Variants in CHAF1A observed in about 807,000 individuals in gnomAD.
CHAF1A encodes the protein chromatin assembly factor 1 subunit A.
In CHAF1A, 5 loss-of-function variants were observed where a neutral mutation model predicts 93.2. That is an observed-to-expected ratio of 0.05 (90% CI 0.03 to 0.11). CHAF1A has a LOEUF of 0.11. CHAF1A is among the 10% of genes least tolerant of loss of function. The probability of loss-of-function intolerance (pLI) is 1.00; values close to 1 mark genes in which losing one functional copy is unlikely to be tolerated. For missense variants in CHAF1A, 1,102 were observed against 1,259.9 expected (o/e 0.87, Z 1.90); for synonymous variants, 504 against 510.3 (o/e 0.99, Z 0.17).
At chr19:4,444,642 A>G (rs1191133596), downstream of CHAF1A, 1 of 148,234 alleles carries the variant, frequency 6.7e-6, no homozygotes, top group Non-Finnish European at 1.5e-5. Flanking sequence ...TCCCAGCTCA[A>G]GACCTTTCAT....
intron 3 of CHAF1A, 55 bp downstream of exon 3, chr19:4,409,814 T>C (rs1438669471): frequency 3.2e-6 from 5 of 1,540,986 alleles, no homozygotes; most frequent in Non-Finnish European, 3.5e-6. Context: ...CTCAGAGCGC[T>C]GTCAGTCTCC....
chr19:4,432,768 A>AAG (rs962959112), intron 12 of CHAF1A, among the ~76,000 whole-genome samples: 12 of 151,460 alleles, frequency 7.9e-5, no homozygotes, highest in Non-Finnish European at 1.0e-4. Context: ...TAAAAAAAAA[A>AAG]AAAAACTCAA....
chr19:4,435,121 C>T (rs1192460304), intron 13 of CHAF1A, among the ~76,000 whole-genome samples: 3 of 117,368 alleles, frequency 2.6e-5, no homozygotes, highest in Admixed American at 1.1e-4. Flanking sequence ...GAGACAGTCT[C>T]GCGCTGTTGC....
chr19:4,435,988 A>C (rs548625085), intron 13 of CHAF1A, among the ~76,000 whole-genome samples: 10 of 152,142 alleles, frequency 6.6e-5, no homozygotes, highest in Admixed American at 3.9e-4. Context: ...AAAATACAAA[A>C]ATTAGCTGGG....
At chr19:4,446,302 G>T, downstream of CHAF1A, 1 of 1,572,180 alleles carries the variant, frequency 6.4e-7, no homozygotes, top group Non-Finnish European at 8.6e-7. Context: ...GGCAGCCATC[G>T]GGGAGGCGCA....
chr19:4,433,054 T>C lies in CHAF1A; in HGVS notation c.2204-16T>C, dbSNP rs1568180579. On this transcript the variant is annotated splice_polypyrimidine_tract_variant and intron_variant, in intron 12 of 14. Coordinates refer to ENST00000301280, the MANE Select transcript of CHAF1A (RefSeq NM_005483.3). This position sits in a 1 kb window ranked among gnomAD's most constrained non-coding sequence, Gnocchi z 5.6. ...GCTCCCCAAGCCTCATGCCCACCCA[T>C]GTTCCCTCCTGCCAGTCCTGGCCCA... The C allele has an allele frequency of 6.5e-7, 1 of 1,530,712 alleles. No homozygotes were observed. Among genetic ancestry groups the C allele is most frequent in the Non-Finnish European group, 8.8e-7 (1 of 1,131,538 alleles). The allele number at this position is 1,530,712 out of a possible 1,614,324, so 94.8% of individuals were successfully genotyped here. A position where few individuals can be genotyped will look rare whatever the true frequency, so the allele number is the denominator to read the frequency against.
At position 4,432,075 on chromosome 19, in the gene CHAF1A, G is replaced by A; in HGVS notation, c.2071G>A (p.Ala691Thr). ...LQPVKIGCVW[A>T]ADRDCAGDDL... ...ACCTGTGAAGATCGGCTGCGTGTGG[G>A]CGGCTGACAGAGACTGCGCAGGCGA... The change falls in exon 12 of 15, where the codon GCG (alanine) becomes ACG (threonine). Residue 691 changes from alanine to threonine, a missense_variant. Physicochemically the swap from Ala to Thr is moderately conservative, Grantham distance 58 (BLOSUM62 0). Coordinates refer to ENST00000301280, the MANE Select transcript of CHAF1A (RefSeq NM_005483.3). 6.2e-7 allele frequency: 1 copy of A among 1,614,102 alleles called. No individual in the cohort carries two copies. Among genetic ancestry groups the A allele is most frequent in the South Asian group, 1.1e-5 (1 of 91,082 alleles).
chr19:4,412,253 G>A (rs1973818848), intron 3 of CHAF1A, among the ~76,000 whole-genome samples: 1 of 152,026 alleles, frequency 6.6e-6, no homozygotes, highest in Non-Finnish European at 1.5e-5. Flanking sequence ...AGCAAGAACG[G>A]GACACATGGC....
At chr19:4,408,767 C>G in intron 2 of CHAF1A, 136 bp from the exon 3 acceptor site, 1 of 1,135,462 alleles carries the variant, frequency 8.8e-7, no homozygotes, top group Non-Finnish European at 1.2e-6. Context: ...AGCCACCACA[C>G]CCGGCCCAGA....
rs558436312 is a variant in CHAF1A, at chr19:4,443,384, T to C, written c.*359T>C. On this transcript the variant is annotated 3_prime_UTR_variant, in exon 15 of 15. Coordinates refer to ENST00000301280, the MANE Select transcript of CHAF1A (RefSeq NM_005483.3). Reference sequence around the variant, plus strand: ...CCTAACGAGGCAGTGTATAAACTTATTCTCTAGCCCTGAGCTGCTCTGTCT... The same window carrying C: ...CCTAACGAGGCAGTGTATAAACTTACTCTCTAGCCCTGAGCTGCTCTGTCT... The C allele has an allele frequency of 7.9e-5, 22 of 278,580 alleles. No individual in the cohort carries two copies. The East Asian group carries it at 2.1e-3, about 27-fold the overall frequency. 17.3% of individuals were successfully genotyped at this position (278,580 alleles called of 1,614,324 possible).
chr19:4,434,126 C>T (rs1974239795), intron 13 of CHAF1A, among the ~76,000 whole-genome samples: 1 of 151,672 alleles, frequency 6.6e-6, no homozygotes, highest in Non-Finnish European at 1.5e-5. Context: ...GCGGGAGGAT[C>T]ACTTGAGCCC....
intron 3 of CHAF1A, among the ~76,000 whole-genome samples, chr19:4,413,480 C>G (rs933803902): frequency 6.6e-6 from 1 of 152,206 alleles, no homozygotes; most frequent in Non-Finnish European, 1.5e-5. Context: ...TACCTCCCTA[C>G]CAGCAGCTCT....
In CHAF1A at chr19:4,409,348, A is replaced by G. The variant is rs183942259; in HGVS notation, c.549A>G (p.Thr183=). The change falls in exon 3 of 15, where the codon ACA becomes ACG. Residue 183 remains threonine (T), a synonymous_variant. Transcript: ENST00000301280. ...GETLSDIPCK[T]EEEGVGCGGA... Reference sequence around the variant, plus strand: ...CCCTTTCAGACATTCCTTGCAAAACAGAGGAGGAGGGTGTTGGCTGTGGAG... The same window carrying G: ...CCCTTTCAGACATTCCTTGCAAAACGGAGGAGGAGGGTGTTGGCTGTGGAG... 33 of 1,614,102 alleles carry G rather than the reference A, an allele frequency of 2.0e-5. 1 individual carries two copies. Among genetic ancestry groups the G allele is most frequent in the Non-Finnish European group, 2.5e-5 (30 of 1,180,008 alleles).
At chr19:4,416,283 A>G (rs1020127511) in intron 3 of CHAF1A, among the ~76,000 whole-genome samples, 16 of 152,238 alleles carry the variant, frequency 1.1e-4, no homozygotes, top group Admixed American at 5.9e-4. Context: ...CAAGTCTGCA[A>G]TGAACCCGGA....
chr19:4,402,696 G>C lies in CHAF1A; in HGVS notation c.-67G>C, dbSNP rs989905915. The C allele has an allele frequency of 5.4e-5, 57 of 1,049,202 alleles. 1 individual carries two copies. The highest frequency in any genetic ancestry group is 6.8e-5 in the Non-Finnish European group (57 of 832,324). 65.0% of individuals were successfully genotyped at this position (1,049,202 alleles called of 1,614,324 possible). A position where few individuals can be genotyped will look rare whatever the true frequency, so the allele number is the denominator to read the frequency against. On this transcript the variant is annotated 5_prime_UTR_variant, in exon 1 of 15. Transcript: ENST00000301280. ...AGCGGCGCGGGCGGGAGGGCGAAGA[G>C]CAGCGGCCGCCTGAGGGGAGCCCGC... is the stretch of plus-strand genomic sequence containing the variant.
intron 8 of CHAF1A, 29 bp downstream of exon 8, chr19:4,428,919 C>T (rs1248909912): frequency 6.3e-7 from 1 of 1,581,954 alleles, no homozygotes; most frequent in Non-Finnish European, 8.7e-7. Flanking sequence ...CGGCCTTCAC[C>T]CACTAGTGAT....
chr19:4,403,591 G>A (rs978225107), intron 1 of CHAF1A, among the ~76,000 whole-genome samples: 1 of 152,262 alleles, frequency 6.6e-6, no homozygotes, highest in Non-Finnish European at 1.5e-5. Flanking sequence ...GTTGATATTT[G>A]TTGCCGTCCT....
chr19:4,408,461 C>CTTTTTTTTTTTTTTTTT lies in CHAF1A; in HGVS notation c.104-428_104-412dup. On this transcript the variant is annotated intron_variant, in intron 2 of 14. Coordinates refer to ENST00000301280, the MANE Select transcript of CHAF1A (RefSeq NM_005483.3). Reference sequence around the variant, plus strand: ...CCTGCCTTGGCCTCCCGCACCCGGCCTTTTTTTTTTTTTTTTTTTTTTTTT... The same window carrying CTTTTTTTTTTTTTTTTT: ...CCTGCCTTGGCCTCCCGCACCCGGCCTTTTTTTTTTTTTTTTTTTTTTTTTTTTTTTTTTTTTTTTTT... Among the ~76,000 whole-genome samples, 62 of 36,020 alleles carry CTTTTTTTTTTTTTTTTT rather than the reference C, an allele frequency of 1.7e-3. 22 individuals are homozygous for CTTTTTTTTTTTTTTTTT. Among genetic ancestry groups the CTTTTTTTTTTTTTTTTT allele is most frequent in the East Asian group, 0.011 (10 of 888 alleles). 23.6% of individuals were successfully genotyped at this position (36,020 alleles called of 152,430 possible).
Position 4,442,228 on chromosome 19 carries a change from G to A in CHAF1A, c.2674-17G>A, listed in dbSNP as rs1275290563. 22 of 1,612,052 alleles carry A rather than the reference G, an allele frequency of 1.4e-5. No homozygotes were observed. Among genetic ancestry groups the A allele is most frequent in the Non-Finnish European group, 1.9e-5 (22 of 1,178,316 alleles). ...TGCTGCCTGCAGTGCTGATGGCCGT[G>A]TACCCTGTCTGTCCAGATTGGTGCT... On this transcript the variant is annotated splice_polypyrimidine_tract_variant and intron_variant, in intron 13 of 14. Coordinates refer to ENST00000301280, the MANE Select transcript of CHAF1A (RefSeq NM_005483.3).
Sources: gnomAD v4.1 joint callset for allele counts (sites outside exome capture counted in the v4.1 genomes callset) on GRCh38, gnomAD v4.1.1 for gene constraint, Gnocchi (gnomAD v3.1) non-coding constraint, MANE v1.5 for transcripts, NCBI Gene and HGNC (gene_info 2026-07-23, HGNC 2026-07-21) for gene names.